ATRIP: variants seen among roughly 807,000 people sequenced by gnomAD.
ATRIP encodes the protein ATR interacting protein.
ATRIP carries 44 observed loss-of-function variants against 78.1 expected under a neutral mutation model. That is an observed-to-expected ratio of 0.56 (90% CI 0.44 to 0.72). The LOEUF (loss-of-function observed/expected upper bound fraction) is 0.72. Ranked by LOEUF, ATRIP falls within the 30% of genes least tolerant of loss-of-function variation. ATRIP has a pLI of 0.00. For synonymous variants in ATRIP, 388 were observed against 408.9 expected (o/e 0.95, Z 0.62); for missense variants, 927 against 980.2 (o/e 0.95, Z 0.72).
Position 48,446,762 on chromosome 3 carries a change from G to A in ATRIP, c.-84G>A. The stretch of plus-strand genomic sequence containing the variant: ...ACTCGCGGCGGAGGCAAGCGGCGGC[G>A]CGCGGACGGTTGGTCCAGTTCTCCG... On this transcript the variant is annotated 5_prime_UTR_variant, in exon 1 of 13. Transcript: ENST00000320211. 25 of 1,321,838 alleles carry A rather than the reference G, an allele frequency of 1.9e-5. No homozygotes were observed. The highest frequency in any genetic ancestry group is 2.4e-5 in the Non-Finnish European group (25 of 1,033,288). The allele number at this position is 1,321,838 out of a possible 1,614,324, so 81.9% of individuals were successfully genotyped here.
At chr3:48,455,496 T>G (rs557016201) in intron 4 of ATRIP, among the ~76,000 whole-genome samples, 1 of 151,856 alleles carries the variant, frequency 6.6e-6, no homozygotes, top group East Asian at 2.0e-4. Context: ...CTATTGGAAG[T>G]CTTTTTTTTT....
At chr3:48,453,800 T>C (rs2039890425) in intron 3 of ATRIP, among the ~76,000 whole-genome samples, 1 of 152,242 alleles carries the variant, frequency 6.6e-6, no homozygotes, top group African/African-American at 2.4e-5. Flanking sequence ...CTATGCTGGG[T>C]ATTTTACACT....
intron 2 of ATRIP, among the ~76,000 whole-genome samples, chr3:48,451,005 A>G (rs912584814): frequency 6.6e-6 from 1 of 151,800 alleles, no homozygotes; most frequent in African/African-American, 2.4e-5. Flanking sequence ...CCTGGCCAAC[A>G]TGGTGAAAAC....
chr3:48,467,123 C>G lies in ATRIP; in HGVS notation c.*1569C>G. Reference sequence around the variant, plus strand: ...ATGGTGCCTTCTGTGTGGATAGCATCACTGCGCTGAAGGCCCTGGAGCGAG... The same window carrying G: ...ATGGTGCCTTCTGTGTGGATAGCATGACTGCGCTGAAGGCCCTGGAGCGAG... On this transcript the variant is annotated 3_prime_UTR_variant, in exon 13 of 13. Transcript: ENST00000320211. The G allele has an allele frequency of 6.2e-7, 1 of 1,613,990 alleles. No individual in the cohort carries two copies. Among genetic ancestry groups the G allele is most frequent in the South Asian group, 1.1e-5 (1 of 91,088 alleles).
At chr3:48,459,564 C>T (rs2169024) in intron 6 of ATRIP, 110 bp downstream of exon 6, 1 of 1,221,908 alleles carries the variant, frequency 8.2e-7, no homozygotes, top group Non-Finnish European at 1.2e-6. Flanking sequence ...TTCAGAGAGT[C>T]CAGGGAAGTC....
chr3:48,462,708 A>C (rs1448039108), intron 8 of ATRIP, among the ~76,000 whole-genome samples: 1 of 152,200 alleles, frequency 6.6e-6, no homozygotes, highest in Admixed American at 6.5e-5. Context: ...GTTTCAAAAA[A>C]AAAAAGTTCT....
At position 48,464,649 on chromosome 3, in the gene ATRIP, A is replaced by G; in HGVS notation, c.2042A>G (p.Gln681Arg). 1.2e-6 allele frequency: 2 copies of G among 1,614,190 alleles called. No homozygotes were observed. The highest frequency in any genetic ancestry group is 8.5e-7 in the Non-Finnish European group (1 of 1,180,024). ...CCCCCAGTCACTGGCTCCAACTGCC[A>G]GTGTAATGTGGAGGTGAGTGGGTAG... ...PLPPVTGSNC[Q>R]CNVEVVRALT... The change falls in exon 11 of 13, where the codon CAG becomes CGG. Residue 681 changes from glutamine to arginine, a missense_variant. Coordinates refer to ENST00000320211, the MANE Select transcript of ATRIP (RefSeq NM_130384.3).
Position 48,465,497 on chromosome 3 carries a change from G to A in ATRIP, c.2319G>A (p.Leu773=), listed in dbSNP as rs755805292. The change falls in exon 13 of 13, where the codon CTG becomes CTA. Residue 773 remains leucine (L), a synonymous_variant. Transcript: ENST00000320211. ...PDVTDCEEAA[L]DDLCAAETDV... is the part of the protein sequence containing the mutation. ...TCCTTTTTGTCTCAGAGGCAGCCCT[G>A]GATGACCTCTGTGCCGCGGAAACCG... 6.8e-6 allele frequency: 11 copies of A among 1,613,916 alleles called. No homozygotes were observed. The highest frequency in any genetic ancestry group is 8.5e-6 in the Non-Finnish European group (10 of 1,179,912).
chr3:48,459,083 A>T (rs2040029652), intron 5 of ATRIP, among the ~76,000 whole-genome samples: 1 of 152,238 alleles, frequency 6.6e-6, no homozygotes, highest in Non-Finnish European at 1.5e-5. Flanking sequence ...TCTAGCACGT[A>T]ACAAGCACCA....
intron 2 of ATRIP, 22 bp from the exon 3 acceptor site, chr3:48,451,707 G>A (rs377643484): frequency 2.8e-5 from 44 of 1,563,142 alleles, no homozygotes; most frequent in Admixed American, 3.8e-5. Context: ...AAGTTTTCAC[G>A]AGATTAATTT....
chr3:48,465,727 G>T lies in ATRIP; in HGVS notation c.*173G>T. 1.6e-6 allele frequency: 1 copy of T among 616,640 alleles called. No individual in the cohort carries two copies. The highest frequency in any genetic ancestry group is 2.8e-6 in the Non-Finnish European group (1 of 354,926). 38.2% of individuals were successfully genotyped at this position (616,640 alleles called of 1,614,324 possible). A position where few individuals can be genotyped will look rare whatever the true frequency, so the allele number is the denominator to read the frequency against. On this transcript the variant is annotated 3_prime_UTR_variant, in exon 13 of 13. Transcript: ENST00000320211. ...TGGAGCAGGACCCGGACCCTGAGTGGCTGGGATCCTTCTTCCTGTCCCTGG... is the reference window on the plus strand; with the variant it reads ...TGGAGCAGGACCCGGACCCTGAGTGTCTGGGATCCTTCTTCCTGTCCCTGG...
Position 48,466,413 on chromosome 3 carries a change from G to A in ATRIP, c.*859G>A. The stretch of plus-strand genomic sequence containing the variant: ...GGGGAGGGGCCGAGTCATGTGAAGA[G>A]GGAGACCCTCTCAGACAGTCGAATG... On this transcript the variant is annotated 3_prime_UTR_variant, in exon 13 of 13. Transcript: ENST00000320211. 2 of 1,603,282 alleles carry A rather than the reference G, an allele frequency of 1.2e-6. No individual in the cohort carries two copies. Among genetic ancestry groups the A allele is most frequent in the Non-Finnish European group, 1.7e-6 (2 of 1,172,944 alleles).
chr3:48,467,390 A>C lies in ATRIP; in HGVS notation c.*1836A>C, dbSNP rs761555436. 2 of 1,614,054 alleles carry C rather than the reference A, an allele frequency of 1.2e-6. No homozygotes were observed. Among genetic ancestry groups the C allele is most frequent in the African/African-American group, 2.7e-5 (2 of 74,934 alleles). On this transcript the variant is annotated 3_prime_UTR_variant, in exon 13 of 13. Transcript: ENST00000320211. ...CCTCTGCTAGGACCAAGCCAAGACC[A>C]TCTGCTGTCACAACCACTGCACACC... is the stretch of plus-strand genomic sequence containing the variant.
intron 5 of ATRIP, among the ~76,000 whole-genome samples, chr3:48,457,989 G>A (rs1390656598): frequency 6.6e-6 from 1 of 151,462 alleles, no homozygotes; most frequent in African/African-American, 2.4e-5. Context: ...TCGTCATTTA[G>A]CATTAGGTAT....
intron 4 of ATRIP, among the ~76,000 whole-genome samples, 157 bp downstream of exon 4, chr3:48,454,575 C>T (rs534992806): frequency 6.6e-6 from 1 of 152,282 alleles, no homozygotes; most frequent in South Asian, 2.1e-4. Flanking sequence ...TTAGATGAAG[C>T]TTGCATGGTT....
At position 48,454,426 on chromosome 3, in the gene ATRIP, T is replaced by C; in HGVS notation, c.671+8T>C. 6.3e-7 allele frequency: 1 copy of C among 1,589,388 alleles called. No homozygotes were observed. Among genetic ancestry groups the C allele is most frequent in the Middle Eastern group, 1.7e-4 (1 of 6,020 alleles). On this transcript the variant is annotated splice_region_variant and intron_variant, in intron 4 of 12. Coordinates refer to ENST00000320211, the MANE Select transcript of ATRIP (RefSeq NM_130384.3). The stretch of plus-strand genomic sequence containing the variant: ...CTCTGTTTCCCATGTCAGGTAATGA[T>C]GGTGCTGGAGGGATAGTTCAGTTTT...
At chr3:48,452,870 A>T (rs1052697635) in intron 3 of ATRIP, among the ~76,000 whole-genome samples, 10 of 117,498 alleles carry the variant, frequency 8.5e-5, no homozygotes, top group Non-Finnish European at 1.5e-4. Context: ...AAATTATTGA[A>T]TTTTTTTTTT....
At position 48,466,593 on chromosome 3, in the gene ATRIP, C is replaced by T. The variant is rs1457827256; in HGVS notation, c.*1039C>T. 63 of 1,613,818 alleles carry T rather than the reference C, an allele frequency of 3.9e-5. No individual in the cohort carries two copies. The highest frequency in any genetic ancestry group is 5.2e-5 in the Non-Finnish European group (61 of 1,179,966). On this transcript the variant is annotated 3_prime_UTR_variant, in exon 13 of 13. Transcript: ENST00000320211. ...ACTCCCTCCCCTTCGGATCTTAACACTGGGCACTCACACACCCACCCCATG... is the reference window on the plus strand; with the variant it reads ...ACTCCCTCCCCTTCGGATCTTAACATTGGGCACTCACACACCCACCCCATG...
intron 5 of ATRIP, among the ~76,000 whole-genome samples, chr3:48,458,120 C>T (rs2040003348): frequency 6.6e-6 from 1 of 150,766 alleles, no homozygotes; most frequent in Admixed American, 6.6e-5. Flanking sequence ...CCCTGTCACC[C>T]AGGCTGGAGT....
Sources: gnomAD v4.1 joint callset for allele counts (sites outside exome capture counted in the v4.1 genomes callset) on GRCh38, gnomAD v4.1.1 for gene constraint, MANE v1.5 for transcripts, NCBI Gene and HGNC (gene_info 2026-07-23, HGNC 2026-07-21) for gene names.